The following KICS2 variants were observed in gnomAD, a reference collection of about 807,000 sequenced individuals.
KICS2 encodes the protein KICSTOR subunit 2, also known as KICSTOR complex protein C12orf66.
Under a neutral mutation model 31.4 loss-of-function variants are expected in KICS2, and 13 were observed. The ratio of observed to expected loss-of-function variants is 0.41; its 90% CI spans 0.27 to 0.66. The LOEUF (loss-of-function observed/expected upper bound fraction) is 0.66. Ranked by LOEUF, KICS2 falls within the 30% of genes least tolerant of loss-of-function variation. The probability of loss-of-function intolerance (pLI) is 0.28; values close to 1 mark genes in which losing one functional copy is unlikely to be tolerated. For synonymous variants in KICS2, 209 were observed against 214.8 expected (o/e 0.97, Z 0.24); for missense variants, 455 against 545.4 (o/e 0.83, Z 1.65).
At chr12:64,205,779 A>AAAAG (rs1555181731) in intron 2 of KICS2, among the ~76,000 whole-genome samples, 1 of 133,428 alleles carries the variant, frequency 7.5e-6, no homozygotes, top group African/African-American at 2.9e-5. Context: ...GAAAAAGGGA[A>AAAAG]GGAAGGAAGG....
chr12:64,205,611 A>G (rs73325011), intron 2 of KICS2, among the ~76,000 whole-genome samples: 15 of 138,522 alleles, frequency 1.1e-4, no homozygotes, highest in African/African-American at 4.2e-4. Flanking sequence ...GGAGGGAAAA[A>G]GGGAAGGAAG....
chr12:64,194,666 G>C lies in KICS2; in HGVS notation c.522-8C>G. On this transcript the variant is annotated splice_polypyrimidine_tract_variant and splice_region_variant and intron_variant, in intron 2 of 2. Transcript: ENST00000398055. ...AGGATTGGGTGGTGAAATCTAAAGG[G>C]GAGAGGGAAATAGAGATAAGTGGAA... is the stretch of plus-strand genomic sequence containing the variant. 6.3e-7 allele frequency: 1 copy of C among 1,597,566 alleles called. No individual in the cohort carries two copies. The highest frequency in any genetic ancestry group is 8.5e-7 in the Non-Finnish European group (1 of 1,170,008).
In KICS2 at chr12:64,192,161, T is replaced by C. The variant is rs2037385765; in HGVS notation, c.*1681A>G. 1.3e-5 allele frequency: 2 copies of C among 151,812 alleles called. No homozygotes were observed. Among genetic ancestry groups the C allele is most frequent in the African/African-American group, 4.8e-5 (2 of 41,390 alleles). The allele number at this position is 151,812 out of a possible 1,614,324, so 9.4% of individuals were successfully genotyped here. On this transcript the variant is annotated 3_prime_UTR_variant, in exon 3 of 3. Coordinates refer to ENST00000398055, the MANE Select transcript of KICS2 (RefSeq NM_152440.5). ...TTTTTTTTGAGACAGGTCTCGCTCT[T>C]TCACCCAGGCTGGAGTGCAGCTGCA...
At chr12:64,218,802 G>A (rs923282838) in intron 1 of KICS2, among the ~76,000 whole-genome samples, 5 of 151,938 alleles carry the variant, frequency 3.3e-5, no homozygotes, top group East Asian at 1.9e-4. Context: ...AAAGCTTATC[G>A]GTAAACGCTA....
rs754544148 is a variant in KICS2, at chr12:64,194,180, G to T, written c.1000C>A (p.His334Asn). Residue 334 changes from histidine to asparagine, a missense_variant, in exon 3 of 3, where the codon CAT becomes AAT. By Grantham distance (68) the His-to-Asn change is moderately conservative. Transcript: ENST00000398055. ...CCCTTGGGGGCCTCTCTGTAGGAAT[G>T]GGGGTGGTGATAACCATGACCCTGA... ...SFQGHGYHHP[H>N]SYREAPKGVD... The T allele has an allele frequency of 6.2e-7, 1 of 1,614,144 alleles. No homozygotes were observed.
chr12:64,201,605 TA>T (rs531373424), intron 2 of KICS2, among the ~76,000 whole-genome samples: 20,149 of 115,456 alleles, frequency 0.17, 1,618 homozygotes, highest in Non-Finnish European at 0.2. Context: ...TAAAGTATAA[TA>T]AAAAAAAAAA....
chr12:64,214,187 C>T (rs1271180829), intron 2 of KICS2, among the ~76,000 whole-genome samples: 1 of 152,204 alleles, frequency 6.6e-6, no homozygotes, highest in Non-Finnish European at 1.5e-5. Context: ...CAACTATTCA[C>T]TCATTTATTC....
At chr12:64,196,126 T>C (rs149069546) in intron 2 of KICS2, among the ~76,000 whole-genome samples, 24,961 of 151,352 alleles carry the variant, frequency 0.16, 1,702 homozygotes, top group Non-Finnish European at 0.2. Context: ...CCTGCCTCTG[T>C]AGGCTCCACC....
At chr12:64,216,910 G>C (rs2037634461) in intron 1 of KICS2, among the ~76,000 whole-genome samples, 1 of 149,956 alleles carries the variant, frequency 6.7e-6, no homozygotes, top group African/African-American at 2.5e-5. Context: ...AAAAGAAACA[G>C]GGCAGGTTTA....
intron 1 of KICS2, among the ~76,000 whole-genome samples, chr12:64,219,205 T>A (rs2037656170): frequency 6.6e-6 from 1 of 152,206 alleles, no homozygotes; most frequent in South Asian, 2.1e-4. Flanking sequence ...TAATACTTTT[T>A]AAACATCAGT....
rs2037678895 is a variant in KICS2 at position 64,221,137 on chromosome 12, A to G, written c.235+866T>C. Among the ~76,000 whole-genome samples the G allele has an allele frequency of 2.0e-5, 3 of 151,616 alleles. No homozygotes were observed. The South Asian group carries it at 6.3e-4, about 32-fold the overall frequency. On this transcript the variant is annotated intron_variant, in intron 1 of 2. Transcript: ENST00000398055. ...GGGGGGGTGGATCAAAATGAAATCT[A>G]CACCAATTTTACATTTCTATTCTCT... is the stretch of plus-strand genomic sequence containing the variant.
rs185163970 is a variant in KICS2, at chr12:64,194,523, C to T, written c.657G>A (p.Ala219=). The change falls in exon 3 of 3, where the codon GCG becomes GCA. Residue 219 remains alanine, a synonymous_variant. Coordinates refer to ENST00000398055, the MANE Select transcript of KICS2 (RefSeq NM_152440.5). ...FLPSLVNLHS[A]HTKLQTWGQI... ...GGCCCCACGTCTGCAGTTTGGTGTG[C>T]GCACTGTGTAAATTAACCAGAGATG... 2.7e-5 allele frequency: 44 copies of T among 1,614,100 alleles called. No individual in the cohort carries two copies. The Middle Eastern group carries it at 9.9e-4, about 36-fold the overall frequency.
intron 1 of KICS2, among the ~76,000 whole-genome samples, chr12:64,217,354 T>C (rs2037638656): frequency 6.6e-6 from 1 of 152,102 alleles, no homozygotes; most frequent in African/African-American, 2.4e-5. Context: ...GTTTTTCCAA[T>C]ATACTGTCTA....
At position 64,222,168 on chromosome 12, in the gene KICS2, G is replaced by A. The variant is rs771968044; in HGVS notation, c.70C>T (p.His24Tyr). The A allele has an allele frequency of 6.2e-7, 1 of 1,614,114 alleles. No individual in the cohort carries two copies. Among genetic ancestry groups the A allele is most frequent in the Non-Finnish European group, 8.5e-7 (1 of 1,179,958 alleles). The change falls in exon 1 of 3, where the codon CAC becomes TAC. Residue 24 changes from histidine (H) to tyrosine (Y), a missense_variant. His to Tyr is a moderately conservative substitution (Grantham distance 83, BLOSUM62 2). Transcript: ENST00000398055. The part of the protein sequence containing the change: ...EQAVLETFFS[H>Y]LGIFSYDKAK... Reference sequence around the variant, plus strand: ...TTGTCGTAAGAGAAGATACCCAGGTGAGAGAAGAACGTCTCCAGCACCGCC... The same window carrying A: ...TTGTCGTAAGAGAAGATACCCAGGTAAGAGAAGAACGTCTCCAGCACCGCC...
chr12:64,212,825 C>A (rs145381400), intron 2 of KICS2, among the ~76,000 whole-genome samples: 50 of 152,154 alleles, frequency 3.3e-4, no homozygotes, highest in African/African-American at 1.1e-3. Flanking sequence ...CACAGTAGCT[C>A]ACTCCTGTAA....
downstream of KICS2, among the ~76,000 whole-genome samples, chr12:64,190,761 GAA>G (rs2037372409): frequency 6.6e-6 from 1 of 150,690 alleles, no homozygotes; most frequent in African/African-American, 2.5e-5. Context: ...AAAAAAGAAA[GAA>G]AGAAAGAAAA....
rs1327886523 is a variant in KICS2, at chr12:64,209,390, G to A, written c.521+6288C>T. On this transcript the variant is annotated intron_variant, in intron 2 of 2. Transcript: ENST00000398055. ...ACCTGAGGTCAGGGGTTCAAGACCA[G>A]CCTGGCCAACATGGTAAAACCTGAT... 3.9e-5 allele frequency among the ~76,000 whole-genome samples: 6 copies of A among 152,058 alleles called. No homozygotes were observed. In the East Asian group the frequency reaches 9.6e-4, roughly 24 times the overall value.
At chr12:64,205,522 G>A (rs2037528027) in intron 2 of KICS2, among the ~76,000 whole-genome samples, 1 of 150,834 alleles carries the variant, frequency 6.6e-6, no homozygotes, top group African/African-American at 2.4e-5. Flanking sequence ...AGCTACAGCA[G>A]CAAGCTTGAA....
In KICS2 at chr12:64,215,932, G is replaced by A. The variant is rs1193983534; in HGVS notation, c.267C>T (p.Ser89=). The change falls in exon 2 of 3, where the codon TCC becomes TCT. Residue 89 remains serine (S), a synonymous_variant. Transcript: ENST00000398055. ...GCAATGAAGTATAGATGGTGCGGAT[G>A]GAATCCTTCCTGCTGAAGAAAGACT... ...GGQSFFSRKD[S]IRTIYTSLHN... is the part of the protein sequence containing the mutation. 1 of 1,613,268 alleles carries A rather than the reference G, an allele frequency of 6.2e-7. No individual in the cohort carries two copies. The highest frequency in any genetic ancestry group is 1.3e-5 in the African/African-American group (1 of 75,014).
Sources: allele counts gnomAD v4.1 joint callset (sites outside exome capture counted in the v4.1 genomes callset), GRCh38; gene constraint gnomAD v4.1.1; transcripts MANE v1.5; gene names NCBI Gene and HGNC (gene_info 2026-07-23, HGNC 2026-07-21).